RPTOR: variants seen among roughly 807,000 people sequenced by gnomAD.
RPTOR encodes regulatory associated protein of MTOR complex 1, also known as regulatory-associated protein of mTOR.
A neutral mutation model predicts 169.9 loss-of-function variants in RPTOR; 21 were observed. The ratio of observed to expected loss-of-function variants is 0.12; its 90% CI spans 0.09 to 0.18. The LOEUF (loss-of-function observed/expected upper bound fraction) is 0.18, where lower values mean the gene tolerates loss of function less well. Among genes scored for constraint, RPTOR ranks in the 10% least tolerant of loss-of-function variants. The pLI, the probability that RPTOR is intolerant of heterozygous loss-of-function variation, is 1.00. For missense variants in RPTOR, 1,133 were observed against 1,855.9 expected (o/e 0.61, Z 7.16); for synonymous variants, 732 against 753.2 (o/e 0.97, Z 0.46).
intron 10 of RPTOR, among the ~76,000 whole-genome samples, chr17:80,841,140 G>C (rs1325466190): frequency 1.8e-5 from 2 of 113,718 alleles, no homozygotes; most frequent in African/African-American, 4.6e-5. Context: ...CCGCACGGCA[G>C]CTCACTCTCA....
At chr17:80,810,067 A>G (rs1375184859) in intron 7 of RPTOR, among the ~76,000 whole-genome samples, 1 of 151,064 alleles carries the variant, frequency 6.6e-6, no homozygotes, top group Non-Finnish European at 1.5e-5. Context: ...AAATAAATAA[A>G]TAAATAAATA....
chr17:80,600,997 T>C (rs2065181797), intron 1 of RPTOR, among the ~76,000 whole-genome samples: 1 of 152,032 alleles, frequency 6.6e-6, no homozygotes, highest in African/African-American at 2.4e-5. Context: ...TTCTTTCCCT[T>C]GGATCTGGAT....
intron 1 of RPTOR, among the ~76,000 whole-genome samples, chr17:80,590,689 A>G (rs1599582124): frequency 6.6e-6 from 1 of 152,384 alleles, no homozygotes; most frequent in East Asian, 1.9e-4. Flanking sequence ...TTCAGGTATA[A>G]TCTGTCTACA....
At chr17:80,903,156 G>A (rs1479644150) in intron 20 of RPTOR, among the ~76,000 whole-genome samples, 1 of 152,260 alleles carries the variant, frequency 6.6e-6, no homozygotes, top group South Asian at 2.1e-4. Flanking sequence ...TGCGGAGCCT[G>A]GAGCCGGCCC....
intron 1 of RPTOR, chr17:80,602,914 C>T: frequency 2.2e-6 from 1 of 447,532 alleles, no homozygotes; most frequent in Non-Finnish European, 4.2e-6. Context: ...CCATCCTTTT[C>T]TGCGGGAGCC....
rs555934717 is a variant in RPTOR at position 80,940,704 on chromosome 17, C to G, written c.3025+103C>G. On this transcript the variant is annotated intron_variant, in intron 25 of 33. Coordinates refer to ENST00000306801, the MANE Select transcript of RPTOR (RefSeq NM_020761.3). ...CCCCGCGGCCCACGCACAACCTTCT[C>G]CAGCCATCCACTGTCCCACGACAGA... The G allele has an allele frequency of 2.8e-4, 252 of 912,780 alleles. 1 individual carries two copies. In the African/African-American group the frequency reaches 3.8e-3, roughly 14 times the overall value. The allele number at this position is 912,780 out of a possible 1,614,324, so 56.5% of individuals were successfully genotyped here. A position where few individuals can be genotyped will look rare whatever the true frequency, so the allele number is the denominator to read the frequency against.
At chr17:80,654,170 A>C (rs903415513) in intron 3 of RPTOR, among the ~76,000 whole-genome samples, 1 of 152,222 alleles carries the variant, frequency 6.6e-6, no homozygotes. Context: ...CCCCTAGGCC[A>C]GGGGGTCGCA....
intron 12 of RPTOR, among the ~76,000 whole-genome samples, chr17:80,856,765 A>T (rs1194455411): frequency 6.6e-6 from 1 of 152,222 alleles, no homozygotes; most frequent in African/African-American, 2.4e-5. Context: ...CAGTTTAGAA[A>T]GAGTTTCATT....
chr17:80,553,750 CT>C (rs60207638), intron 1 of RPTOR, among the ~76,000 whole-genome samples: 5 of 149,988 alleles, frequency 3.3e-5, no homozygotes, highest in African/African-American at 1.2e-4. Flanking sequence ...GTTTTTTTTT[CT>C]TTTTTTTTAA....
intron 4 of RPTOR, among the ~76,000 whole-genome samples, chr17:80,711,560 T>G (rs187837307): frequency 6.6e-6 from 1 of 152,114 alleles, no homozygotes; most frequent in African/African-American, 2.4e-5. Context: ...TTAGTAGGCA[T>G]TTTTTTACTT....
chr17:80,882,257 G>A (rs2068193912), intron 14 of RPTOR, among the ~76,000 whole-genome samples: 1 of 152,216 alleles, frequency 6.6e-6, no homozygotes, highest in Non-Finnish European at 1.5e-5. Flanking sequence ...ATTAGATAGT[G>A]GCTGAGAATT....
chr17:80,718,394 TATC>T (rs1220713361), intron 4 of RPTOR, among the ~76,000 whole-genome samples: 1 of 152,240 alleles, frequency 6.6e-6, no homozygotes, highest in East Asian at 1.9e-4. Context: ...AAATGGATCT[TATC>T]ATGGAGAGCA....
intron 2 of RPTOR, among the ~76,000 whole-genome samples, chr17:80,629,656 T>A (rs952340520): frequency 6.6e-6 from 1 of 150,920 alleles, no homozygotes; most frequent in Non-Finnish European, 1.5e-5. Flanking sequence ...TCCGTGTGTC[T>A]CTCTCTCCTG....
chr17:80,895,528 C>T (rs1370846561), intron 20 of RPTOR, among the ~76,000 whole-genome samples: 1 of 152,262 alleles, frequency 6.6e-6, no homozygotes, highest in East Asian at 1.9e-4. Flanking sequence ...CCCACCCTGT[C>T]CACACCCAGT....
intron 7 of RPTOR, chr17:80,802,357 T>C (rs1471342799): frequency 6.6e-6 from 1 of 151,804 alleles, no homozygotes; most frequent in Non-Finnish European, 1.5e-5. Flanking sequence ...ACTTTGGGAG[T>C]CTGAGGCAGG....
At chr17:80,842,435 A>C (rs1338145631) in intron 10 of RPTOR, among the ~76,000 whole-genome samples, 1 of 149,094 alleles carries the variant, frequency 6.7e-6, no homozygotes, top group Non-Finnish European at 1.5e-5. Flanking sequence ...TCCCTCCTTC[A>C]CATTTCTCGG....
At chr17:80,548,961 C>G (rs1401941175) in intron 1 of RPTOR, among the ~76,000 whole-genome samples, 1 of 152,168 alleles carries the variant, frequency 6.6e-6, no homozygotes, top group Admixed American at 6.5e-5. Context: ...TTACTGGCTC[C>G]TATTTAGTAG....
intron 1 of RPTOR, among the ~76,000 whole-genome samples, chr17:80,558,555 T>G (rs1488437165): frequency 6.6e-6 from 1 of 152,258 alleles, no homozygotes. Flanking sequence ...TGAGCTTCCC[T>G]ATAGCCTTTG....
At chr17:80,634,866 G>A (rs1336718901) in intron 2 of RPTOR, among the ~76,000 whole-genome samples, 1 of 75,046 alleles carries the variant, frequency 1.3e-5, no homozygotes, top group Non-Finnish European at 3.0e-5. Context: ...CCGTGTGTGT[G>A]TGCATACTGT....
Sources: allele counts gnomAD v4.1 joint callset (sites outside exome capture counted in the v4.1 genomes callset), GRCh38; gene constraint gnomAD v4.1.1; transcripts MANE v1.5; gene names NCBI Gene and HGNC (gene_info 2026-07-23, HGNC 2026-07-21).